The following FANCA variants were observed in gnomAD, a reference collection of about 807,000 sequenced individuals.
FANCA encodes the protein Fanconi anemia group A protein.
In FANCA, 236 loss-of-function variants were observed where a neutral mutation model predicts 194.3. The observed-to-expected ratio is 1.21, with a 90% CI of 1.09 to 1.35. The LOEUF (loss-of-function observed/expected upper bound fraction) is 1.35, where lower values mean the gene tolerates loss of function less well. Among genes scored for constraint, FANCA ranks in the 40% most tolerant of loss-of-function variants. FANCA has a pLI of 0.00. For synonymous variants in FANCA, 1,014 were observed against 715.8 expected (o/e 1.42, Z -6.65); for missense variants, 2,628 against 1,813.9 (o/e 1.45, Z -8.15).
chr16:89,788,577 G>A (rs1471542368), intron 14 of FANCA, among the ~76,000 whole-genome samples: 3 of 152,148 alleles, frequency 2.0e-5, no homozygotes, highest in Admixed American at 6.5e-5. Flanking sequence ...TGCGGGGATC[G>A]CATGAGGCCA....
intron 6 of FANCA, among the ~76,000 whole-genome samples, chr16:89,806,969 G>A (rs9927381): frequency 0.46 from 69,343 of 151,860 alleles, 17,029 homozygotes; most frequent in East Asian, 0.97. Context: ...GCGGCTGGCC[G>A]GGCGGGGGGC....
At chr16:89,781,041 G>C (rs560999266) in intron 17 of FANCA, among the ~76,000 whole-genome samples, 2 of 151,752 alleles carry the variant, frequency 1.3e-5, no homozygotes, top group African/African-American at 2.4e-5. Flanking sequence ...TCAGTAACTC[G>C]TAACTTTAAA....
intron 36 of FANCA, 21 bp downstream of exon 36, chr16:89,744,938 C>A: frequency 6.2e-7 from 1 of 1,606,484 alleles, no homozygotes; most frequent in Non-Finnish European, 8.5e-7. Context: ...GGGCACACCC[C>A]ATCTCACCAC....
At chr16:89,763,938 AC>A (rs1256945747) in intron 28 of FANCA, among the ~76,000 whole-genome samples, 2 of 148,738 alleles carry the variant, frequency 1.3e-5, no homozygotes, top group African/African-American at 5.0e-5. Flanking sequence ...AAACAAAACA[AC>A]AACAACAACA....
At position 89,742,957 on chromosome 16, in the gene FANCA, G is replaced by A. The variant is rs2143063678; in HGVS notation, c.3627-19C>T. On this transcript the variant is annotated intron_variant, in intron 36 of 42. Transcript: ENST00000389301. Reference sequence around the variant, plus strand: ...GAGGAAACTGGGACAGAGAGAACGGGGTCATTGCAGGGCCTTACAACCATA... The same window carrying A: ...GAGGAAACTGGGACAGAGAGAACGGAGTCATTGCAGGGCCTTACAACCATA... The A allele has an allele frequency of 6.2e-7, 1 of 1,612,932 alleles. No homozygotes were observed. Among genetic ancestry groups the A allele is most frequent in the Non-Finnish European group, 8.5e-7 (1 of 1,179,196 alleles).
Position 89,791,994 on chromosome 16 carries a change from C to G in FANCA, c.1158G>C (p.Trp386Cys). 1.2e-6 allele frequency: 2 copies of G among 1,614,202 alleles called. No individual in the cohort carries two copies. Among genetic ancestry groups the G allele is most frequent in the Non-Finnish European group, 1.7e-6 (2 of 1,180,020 alleles). Residue 386 changes from tryptophan to cysteine, a missense_variant, in exon 13 of 43, where the codon TGG (tryptophan) becomes TGC (cysteine). Transcript: ENST00000389301. ...QEVLETQEVH[W>C]QRVLSFVSAL... is the part of the protein sequence containing the mutation. ...CAGACACAAAGGAGAGCACTCTCTG[C>G]CAGTGAACCTCCTGCGTTTCCAGAA... is the stretch of plus-strand genomic sequence containing the variant.
At chr16:89,753,476 C>A (rs1204648128) in intron 30 of FANCA, among the ~76,000 whole-genome samples, 1 of 152,186 alleles carries the variant, frequency 6.6e-6, no homozygotes, top group Non-Finnish European at 1.5e-5. Context: ...AGCTTAAGAT[C>A]CCCAAACCAA....
rs1305646825 is a variant in FANCA, at chr16:89,747,038, G to T, written c.3349-148C>A. 5.1e-6 allele frequency: 4 copies of T among 788,664 alleles called. No individual in the cohort carries two copies. The African/African-American group carries it at 5.1e-5, about 10-fold the overall frequency. The allele number at this position is 788,664 out of a possible 1,614,324, so 48.9% of individuals were successfully genotyped here. On this transcript the variant is annotated intron_variant, in intron 33 of 42. Coordinates refer to ENST00000389301, the MANE Select transcript of FANCA (RefSeq NM_000135.4). ...ATGGATGGTGCTCCTGGGCTGACCG[G>T]GCCTGGCGCCCTGGCTGTGCTGTCC... is the stretch of plus-strand genomic sequence containing the variant.
intron 30 of FANCA, among the ~76,000 whole-genome samples, chr16:89,756,479 A>T (rs2038770511): frequency 6.6e-6 from 1 of 152,020 alleles, no homozygotes; most frequent in South Asian, 2.1e-4. Flanking sequence ...AACTACAAAA[A>T]TTTGCCAGGT....
At chr16:89,815,761 G>A (rs2041088483) in intron 2 of FANCA, 116 bp downstream of exon 2, 1 of 854,308 alleles carries the variant, frequency 1.2e-6, no homozygotes, top group South Asian at 1.3e-5. Context: ...TCCCCTCTGC[G>A]GGCCAGGCCA....
intron 15 of FANCA, among the ~76,000 whole-genome samples, chr16:89,783,780 T>G (rs567588356): frequency 6.6e-6 from 1 of 151,988 alleles, no homozygotes; most frequent in African/African-American, 2.4e-5. Context: ...TTTTTTCTTT[T>G]GAGAGGGAGT....
At position 89,738,893 on chromosome 16, in the gene FANCA, G is replaced by T; in HGVS notation, c.4249C>A (p.His1417Asn). The part of the protein sequence containing the change: ...IPRCPKKSFS[H>N]VAELLADRGD... ...CATCTTGACGTTACCTCTGCCACGT[G>T]TGAGAAGCTCTTTTTCGGGCACCGA... Residue 1417 changes from histidine to asparagine, a missense_variant, in exon 42 of 43, where the codon CAC (histidine) becomes AAC (asparagine). Physicochemically the swap from His to Asn is moderately conservative, Grantham distance 68. Coordinates refer to ENST00000389301, the MANE Select transcript of FANCA (RefSeq NM_000135.4). 1 of 1,614,252 alleles carries T rather than the reference G, an allele frequency of 6.2e-7. No individual in the cohort carries two copies. The highest frequency in any genetic ancestry group is 8.5e-7 in the Non-Finnish European group (1 of 1,180,048).
intron 17 of FANCA, 103 bp downstream of exon 17, chr16:89,782,756 A>G: frequency 9.6e-7 from 1 of 1,043,960 alleles, no homozygotes. Flanking sequence ...ACCAGACATG[A>G]GACTGGGAAG....
chr16:89,771,923 G>A, intron 22 of FANCA, 109 bp from the exon 23 acceptor site: 2 of 1,276,766 alleles, frequency 1.6e-6, no homozygotes, highest in Admixed American at 1.9e-5. Flanking sequence ...GGATCCTGCT[G>A]ACTGCACACA....
intron 3 of FANCA, among the ~76,000 whole-genome samples, chr16:89,812,910 A>G (rs71396971): frequency 0.07 from 10,551 of 150,236 alleles, 999 homozygotes; most frequent in African/African-American, 0.21. Flanking sequence ...GCGGGCACCT[A>G]TAATCCCAGC....
At chr16:89,802,225 C>T (rs1291669254) in intron 8 of FANCA, among the ~76,000 whole-genome samples, 4 of 151,800 alleles carry the variant, frequency 2.6e-5, no homozygotes. Context: ...TGCCTCCACG[C>T]CTGTAGCTGG....
At chr16:89,794,704 C>G (rs1438741188) in intron 11 of FANCA, among the ~76,000 whole-genome samples, 1 of 152,098 alleles carries the variant, frequency 6.6e-6, no homozygotes, top group African/African-American at 2.4e-5. Flanking sequence ...CAGTTTCCTG[C>G]CTGAGCATCT....
rs367810936 is a variant in FANCA, at chr16:89,806,262, C to T, written c.597-870G>A. Among the ~76,000 whole-genome samples, 6 of 151,448 alleles carry T rather than the reference C, an allele frequency of 4.0e-5. No homozygotes were observed. In the East Asian group the frequency reaches 7.8e-4, roughly 20 times the overall value. Reference sequence around the variant, plus strand: ...CTGGGGACTGTTCCATTTGGACTTACGAATACACACTCTGCTACTACTGGG... The same window carrying T: ...CTGGGGACTGTTCCATTTGGACTTATGAATACACACTCTGCTACTACTGGG... On this transcript the variant is annotated intron_variant, in intron 6 of 42. Coordinates refer to ENST00000389301, the MANE Select transcript of FANCA (RefSeq NM_000135.4).
intron 20 of FANCA, chr16:89,778,388 C>G: frequency 2.7e-6 from 1 of 376,832 alleles, no homozygotes; most frequent in Non-Finnish European, 5.1e-6. Flanking sequence ...ATTGCTCCAA[C>G]CCAGGAGGCA....
Sources: allele counts gnomAD v4.1 joint callset (sites outside exome capture counted in the v4.1 genomes callset), GRCh38; gene constraint gnomAD v4.1.1; transcripts MANE v1.5; gene names NCBI Gene and HGNC (gene_info 2026-07-23, HGNC 2026-07-21).